The following ALG3 variants were observed in gnomAD, a reference collection of about 807,000 sequenced individuals.
The protein encoded by ALG3 is ALG3 alpha-1,3- mannosyltransferase.
Under a neutral mutation model 50.5 loss-of-function variants are expected in ALG3, and 39 were observed. The ratio of observed to expected loss-of-function variants is 0.77; its 90% CI spans 0.60 to 1.01. The LOEUF (loss-of-function observed/expected upper bound fraction) is 1.01. ALG3 is among the 50% of genes least tolerant of loss of function. ALG3 has a pLI of 0.00. For synonymous variants in ALG3, 252 were observed against 237.2 expected (o/e 1.06, Z -0.58); for missense variants, 520 against 554.8 (o/e 0.94, Z 0.63).
upstream of ALG3, chr3:184,249,222 C>T (rs777665816): frequency 2.5e-6 from 4 of 1,612,682 alleles, no homozygotes; most frequent in Admixed American, 1.7e-5. Flanking sequence ...ACATTCCTGC[C>T]TACCTCCCCC....
rs879600990 is a variant in ALG3 at position 184,246,404 on chromosome 3, C to G, written c.197-592G>C. Among the ~76,000 whole-genome samples the G allele has an allele frequency of 2.0e-5, 3 of 152,178 alleles. No individual in the cohort carries two copies. The South Asian group carries it at 6.2e-4, about 31-fold the overall frequency. On this transcript the variant is annotated intron_variant, in intron 1 of 8. Transcript: ENST00000397676. The stretch of plus-strand genomic sequence containing the variant: ...CCCAAGACCCTTAAGATAAAGAAAA[C>G]TCTGTATTATTCCCATTTTTTGAAG...
upstream of ALG3, chr3:184,249,397 T>C: frequency 1.7e-6 from 2 of 1,163,132 alleles, no homozygotes; most frequent in Admixed American, 2.4e-5. Context: ...GATTTCCTGA[T>C]AAAAGTCATT....
chr3:184,243,419 G>T, intron 7 of ALG3, 135 bp downstream of exon 7: 1 of 743,946 alleles, frequency 1.3e-6, no homozygotes, highest in Non-Finnish European at 2.4e-6. Context: ...GCTCAGCACA[G>T]TGGTGCAGAA....
At chr3:184,243,651 C>T (rs768440649) in intron 6 of ALG3, 21 bp from the exon 7 acceptor site, 1 of 1,613,514 alleles carries the variant, frequency 6.2e-7, no homozygotes, top group Non-Finnish European at 8.5e-7. Context: ...GCCATTCAGA[C>T]AGTTATCAAG....
chr3:184,247,512 G>A (rs1408254536), intron 1 of ALG3, among the ~76,000 whole-genome samples: 1 of 152,134 alleles, frequency 6.6e-6, no homozygotes, highest in East Asian at 1.9e-4. Flanking sequence ...TGGCCAGGCT[G>A]GTCTCAAATT....
At chr3:184,247,093 A>G (rs888855841) in intron 1 of ALG3, among the ~76,000 whole-genome samples, 4 of 151,672 alleles carry the variant, frequency 2.6e-5, no homozygotes, top group Non-Finnish European at 5.9e-5. Context: ...TAGTAGAGAC[A>G]GGGTGTCAAC....
intron 4 of ALG3, chr3:184,244,993 G>C (rs112416454): frequency 1.1e-5 from 9 of 802,160 alleles, no homozygotes; most frequent in Non-Finnish European, 1.8e-5. Flanking sequence ...AATGCTGTCT[G>C]GGAGGAAGAC....
At chr3:184,243,081 G>T in intron 7 of ALG3, 124 bp from the exon 8 acceptor site, 1 of 1,356,238 alleles carries the variant, frequency 7.4e-7, no homozygotes, top group South Asian at 1.3e-5. Flanking sequence ...ATGCCTTTGG[G>T]CAAGTTTATT....
intron 5 of ALG3, 135 bp downstream of exon 5, chr3:184,244,466 G>T: frequency 9.1e-7 from 1 of 1,093,768 alleles, no homozygotes. Flanking sequence ...ACAGCCTAGC[G>T]ATAGTGGCTC....
chr3:184,242,614 G>A lies in ALG3; in HGVS notation c.1217C>T (p.Ser406Phe). 1 of 1,583,710 alleles carries A rather than the reference G, an allele frequency of 6.3e-7. No homozygotes were observed. The highest frequency in any genetic ancestry group is 8.6e-7 in the Non-Finnish European group (1 of 1,161,370). ...WNTYPSTSCS[S>F]AALHICHAVI... ...GGCATGGCATATGTGCAGGGCAGCA[G>A]AGCTGCAGGATGTGGAAGGGTATGT... The change falls in exon 9 of 9, where the codon TCT becomes TTT. Residue 406 changes from serine (S) to phenylalanine (F), a missense_variant. Around this residue, in one of 3 missense-constraint regions of ALG3, gnomAD observed 224 missense variants for 272.8 expected, o/e 0.82. Coordinates refer to ENST00000397676, the MANE Select transcript of ALG3 (RefSeq NM_005787.6).
intron 1 of ALG3, 116 bp downstream of exon 1, chr3:184,248,629 G>C (rs1347631815): frequency 1.0e-6 from 1 of 960,082 alleles, no homozygotes. Flanking sequence ...GGATGGGTTC[G>C]CAATTGACGA....
At chr3:184,247,581 T>C (rs1483975522) in intron 1 of ALG3, among the ~76,000 whole-genome samples, 1 of 151,892 alleles carries the variant, frequency 6.6e-6, no homozygotes, top group Non-Finnish European at 1.5e-5. Context: ...TACAGGCGTG[T>C]GCCGCTGCGC....
At chr3:184,244,977 A>G in intron 4 of ALG3, 2 of 770,328 alleles carry the variant, frequency 2.6e-6, no homozygotes, top group Non-Finnish European at 4.3e-6. Flanking sequence ...ACTAATTCCA[A>G]CAAGGAATGC....
chr3:184,248,993 C>T (rs1452207859), upstream of ALG3: 11 of 1,544,056 alleles, frequency 7.1e-6, no homozygotes, highest in Admixed American at 1.8e-4. Context: ...CCCGAACCTT[C>T]GACACTTAGG....
chr3:184,249,014 C>G, upstream of ALG3: 1 of 1,538,412 alleles, frequency 6.5e-7, no homozygotes. Flanking sequence ...TTCCGCTTCC[C>G]GTGCCTGGCG....
Position 184,245,895 on chromosome 3 carries a change from A to G in ALG3, c.197-83T>C, listed in dbSNP as rs577882227. 1,063 of 1,079,010 alleles carry G rather than the reference A, an allele frequency of 9.9e-4. 24 individuals are homozygous for G. In the South Asian group the frequency reaches 0.014, roughly 14 times the overall value. The allele number at this position is 1,079,010 out of a possible 1,614,324, so 66.8% of individuals were successfully genotyped here. A position where few individuals can be genotyped will look rare whatever the true frequency, so the allele number is the denominator to read the frequency against. ...CCCCATGCCTCCAGACCATCAAAAC[A>G]CAGACTTTCAGCCAATTCCCAGGGC... On this transcript the variant is annotated intron_variant, in intron 1 of 8. Transcript: ENST00000397676.
chr3:184,245,591 G>C lies in ALG3; in HGVS notation c.321C>G (p.Ile107Met). The C allele has an allele frequency of 6.2e-7, 1 of 1,613,494 alleles. No homozygotes were observed. Among genetic ancestry groups the C allele is most frequent in the Non-Finnish European group, 8.5e-7 (1 of 1,179,644 alleles). ...PLVYPAGFVY[I>M]FMGLYYATSR... Reference sequence around the variant, plus strand: ...TGGTGGCATAGTACAACCCCATAAAGATGTACACGAAACCAGCTGGGTACC... The same window carrying C: ...TGGTGGCATAGTACAACCCCATAAACATGTACACGAAACCAGCTGGGTACC... The change falls in exon 3 of 9, where the codon ATC becomes ATG. Residue 107 changes from isoleucine (I) to methionine (M), a missense_variant. Physicochemically the swap from Ile to Met is conservative, Grantham distance 10. This residue lies in a region of ALG3 where 290 missense variants were observed against 265.9 expected (regional missense o/e 1.09). Coordinates refer to ENST00000397676, the MANE Select transcript of ALG3 (RefSeq NM_005787.6).
At chr3:184,244,856 T>G in intron 4 of ALG3, 135 bp from the exon 5 acceptor site, 1 of 1,252,514 alleles carries the variant, frequency 8.0e-7, no homozygotes, top group Non-Finnish European at 1.1e-6. Flanking sequence ...AGATGGGACC[T>G]ACACTCACAA....
Position 184,243,999 on chromosome 3 carries a change from G to A in ALG3, c.727-3C>T, listed in dbSNP as rs751041025. The A allele has an allele frequency of 6.2e-6, 10 of 1,611,916 alleles. No individual in the cohort carries two copies. The highest frequency in any genetic ancestry group is 1.7e-5 in the Admixed American group (1 of 60,008). On this transcript the variant is annotated splice_region_variant and splice_polypyrimidine_tract_variant and intron_variant, in intron 5 of 8. Transcript: ENST00000397676. ...AGGAAGGGCAGCCCCAGCACCACCT[G>A]AGGATTGGTGTGATGTCAGCAGAGC...
Sources: gnomAD v4.1 joint callset for allele counts (sites outside exome capture counted in the v4.1 genomes callset) on GRCh38, gnomAD v4.1.1 for gene constraint, gnomAD v4.1.1 regional missense constraint, MANE v1.5 for transcripts, NCBI Gene and HGNC (gene_info 2026-07-23, HGNC 2026-07-21) for gene names.